Variants in ING3 observed in about 807,000 individuals in gnomAD.
ING3 encodes inhibitor of growth protein 3.
Under a neutral mutation model 64.8 loss-of-function variants are expected in ING3, and 6 were observed. The observed-to-expected ratio is 0.09, with a 90% CI of 0.05 to 0.18. The LOEUF (loss-of-function observed/expected upper bound fraction) is 0.18. Among genes scored for constraint, ING3 ranks in the 10% least tolerant of loss-of-function variants. The pLI, the probability that ING3 is intolerant of heterozygous loss-of-function variation, is 1.00. For synonymous variants in ING3, 170 were observed against 173.7 expected, an observed-to-expected ratio of 0.98 and a Z score of 0.17; for missense variants, 310 against 489.7, an observed-to-expected ratio of 0.63 and a Z score of 3.46.
rs1156412236 is a variant in ING3, at chr7:120,976,542, C to T, written c.*1698C>T. The T allele has an allele frequency of 6.6e-6, 1 of 150,760 alleles. No homozygotes were observed. The highest frequency in any genetic ancestry group is 1.5e-5 in the Non-Finnish European group (1 of 67,992). 9.3% of individuals were successfully genotyped at this position (150,760 alleles called of 1,614,324 possible). A position where few individuals can be genotyped will look rare whatever the true frequency, so the allele number is the denominator to read the frequency against. ...ACTCAATATTTTGAGATTTTATAAC[C>T]CTTTAAGAAGTGATAAATAATGTAG... On this transcript the variant is annotated 3_prime_UTR_variant, in exon 12 of 12. Coordinates refer to ENST00000315870, the MANE Select transcript of ING3 (RefSeq NM_019071.3).
rs1562977341 is a variant in ING3 at position 120,970,672 on chromosome 7, A to T, written c.909-16A>T. 2 of 1,612,730 alleles carry T rather than the reference A, an allele frequency of 1.2e-6. No homozygotes were observed. The highest frequency in any genetic ancestry group is 2.7e-5 in the African/African-American group (2 of 74,992). On this transcript the variant is annotated splice_polypyrimidine_tract_variant and intron_variant, in intron 9 of 11. Coordinates refer to ENST00000315870, the MANE Select transcript of ING3 (RefSeq NM_019071.3). The stretch of plus-strand genomic sequence containing the variant: ...TCTGGATGGTGAGCAAATAAAACTT[A>T]TACTATTTTTTTCAGAAACAACAAC...
chr7:120,964,866 A>G (rs2116676081), intron 5 of ING3, 28 bp downstream of exon 5: 3 of 1,553,014 alleles, frequency 1.9e-6, no homozygotes, highest in Non-Finnish European at 2.7e-6. Flanking sequence ...TTTTCCATCA[A>G]TATTGGACAG....
intron 9 of ING3, 27 bp downstream of exon 9, chr7:120,969,231 A>G (rs754084011): frequency 1.5e-5 from 24 of 1,574,004 alleles, no homozygotes; most frequent in Middle Eastern, 1.7e-4. Flanking sequence ...CAGTAGCCCT[A>G]TACCTTTACT....
chr7:120,966,623 T>C lies in ING3; in HGVS notation c.365-3T>C, dbSNP rs373593825. On this transcript the variant is annotated splice_region_variant and splice_polypyrimidine_tract_variant and intron_variant, in intron 5 of 11. Transcript: ENST00000315870. ...GTGTATCTCTGTGCCTCTCTTCTTT[T>C]AGGATCTTTGGAATTAGACACTCCT... is the stretch of plus-strand genomic sequence containing the variant. 2 of 1,609,934 alleles carry C rather than the reference T, an allele frequency of 1.2e-6. No homozygotes were observed. The highest frequency in any genetic ancestry group is 2.7e-5 in the African/African-American group (2 of 74,966).
Position 120,969,092 on chromosome 7 carries a change from T to C in ING3, c.796T>C (p.Phe266Leu). 1 of 1,614,084 alleles carries C rather than the reference T, an allele frequency of 6.2e-7. No homozygotes were observed. The highest frequency in any genetic ancestry group is 1.1e-5 in the South Asian group (1 of 91,082). The change falls in exon 9 of 12, where the codon TTT (phenylalanine) becomes CTT (leucine). Residue 266 changes from phenylalanine to leucine, a missense_variant. By Grantham distance (22) the Phe-to-Leu change is conservative. Transcript: ENST00000315870. ...KNNDFQLGKE[F>L]SMARETVGYS... The stretch of plus-strand genomic sequence containing the variant: ...TAATGACTTTCAGTTGGGAAAAGAA[T>C]TTTCAATGGCCAGGGAAACAGTTGG...
rs748907453 is a variant in ING3 at position 120,969,185 on chromosome 7, C to T, written c.889C>T (p.Arg297Trp). Residue 297 changes from arginine (R) to tryptophan (W), a missense_variant, in exon 9 of 12, where the codon CGG (arginine) becomes TGG (tryptophan). Arg to Trp is a moderately radical substitution (Grantham distance 101, BLOSUM62 -3). This residue lies in a region of ING3 where 233 missense variants were observed against 289.4 expected (regional missense o/e 0.81). Transcript: ENST00000315870. ...QNASSSAADS[R>W]SGRKSKNNNK... The stretch of plus-strand genomic sequence containing the variant: ...TGCCAGTTCATCAGCAGCCGACTCA[C>T]GGAGTGGTCGAAAGAGCAAGTAAGT... 4.3e-6 allele frequency: 7 copies of T among 1,613,200 alleles called. No individual in the cohort carries two copies. Among genetic ancestry groups the T allele is most frequent in the African/African-American group, 1.3e-5 (1 of 74,888 alleles).
chr7:120,968,309 T>C (rs556772019), intron 8 of ING3, among the ~76,000 whole-genome samples: 4 of 152,324 alleles, frequency 2.6e-5, no homozygotes, highest in Admixed American at 6.5e-5. Context: ...TCATGCGGAT[T>C]ACATGCAGAC....
At chr7:120,965,800 T>A (rs1795989997) in intron 5 of ING3, among the ~76,000 whole-genome samples, 1 of 152,222 alleles carries the variant, frequency 6.6e-6, no homozygotes. Flanking sequence ...ATAATCATCC[T>A]ATTTATTTGT....
chr7:120,955,205 C>A (rs1011168293), intron 3 of ING3, among the ~76,000 whole-genome samples: 4 of 152,184 alleles, frequency 2.6e-5, no homozygotes, highest in Non-Finnish European at 5.9e-5. Context: ...TCTCGGCTCA[C>A]TGCAACCTCT....
At chr7:120,961,871 G>A (rs756472912) in intron 4 of ING3, among the ~76,000 whole-genome samples, 4 of 152,188 alleles carry the variant, frequency 2.6e-5, no homozygotes, top group Non-Finnish European at 5.9e-5. Context: ...AGACTCTGTG[G>A]TTAGCCCTGT....
At chr7:120,954,560 A>C (rs1364147480) in intron 3 of ING3, among the ~76,000 whole-genome samples, 1 of 152,198 alleles carries the variant, frequency 6.6e-6, no homozygotes, top group African/African-American at 2.4e-5. Flanking sequence ...AAAAAATCAT[A>C]ATCTATAACA....
intron 5 of ING3, among the ~76,000 whole-genome samples, chr7:120,966,160 T>C (rs1479738741): frequency 6.6e-6 from 1 of 152,192 alleles, no homozygotes; most frequent in Non-Finnish European, 1.5e-5. Flanking sequence ...CTAACTTCTT[T>C]TAGGAAGTCT....
rs946801460 is a variant in ING3 at position 120,953,231 on chromosome 7, C to T, written c.101-73C>T. ...GTGTGTATTGTCAGATTTTTTCCCT[C>T]CCTAAATCAAACCATGTATATTTAG... On this transcript the variant is annotated intron_variant, in intron 2 of 11. Coordinates refer to ENST00000315870, the MANE Select transcript of ING3 (RefSeq NM_019071.3). 4.8e-6 allele frequency: 4 copies of T among 833,092 alleles called. No homozygotes were observed. The Admixed American group carries it at 1.1e-4, about 22-fold the overall frequency. The allele number at this position is 833,092 out of a possible 1,614,324, so 51.6% of individuals were successfully genotyped here. A position where few individuals can be genotyped will look rare whatever the true frequency, so the allele number is the denominator to read the frequency against.
At chr7:120,951,081 AC>A (rs1011819494) in intron 1 of ING3, 82 bp from the exon 2 acceptor site, 14 of 1,544,682 alleles carry the variant, frequency 9.1e-6, no homozygotes, top group South Asian at 3.4e-5. Flanking sequence ...GGCCCCCTCG[AC>A]CCCCCTGACG....
chr7:120,970,997 CT>C, intron 10 of ING3, 117 bp downstream of exon 10: 5 of 1,063,122 alleles, frequency 4.7e-6, no homozygotes, highest in Non-Finnish European at 6.7e-6. Flanking sequence ...TATTTGTATA[CT>C]TTTCTCCCCC....
chr7:120,973,259 T>C lies in ING3; in HGVS notation c.1140+16T>C. 2 of 1,492,432 alleles carry C rather than the reference T, an allele frequency of 1.3e-6. No homozygotes were observed. The highest frequency in any genetic ancestry group is 1.9e-6 in the Non-Finnish European group (2 of 1,074,046). 92.4% of individuals were successfully genotyped at this position (1,492,432 alleles called of 1,614,324 possible). A position where few individuals can be genotyped will look rare whatever the true frequency, so the allele number is the denominator to read the frequency against. On this transcript the variant is annotated intron_variant, in intron 11 of 11. Coordinates refer to ENST00000315870, the MANE Select transcript of ING3 (RefSeq NM_019071.3). ...TAACCAAGATGTAAGTATTACATTTTTCTATTTAGGAATGAAAAAAATCAC... is the reference window on the plus strand; with the variant it reads ...TAACCAAGATGTAAGTATTACATTTCTCTATTTAGGAATGAAAAAAATCAC...
rs572422054 is a variant in ING3 at position 120,971,308 on chromosome 7, G to T, written c.1101+428G>T. Among the ~76,000 whole-genome samples, 6 of 152,312 alleles carry T rather than the reference G, an allele frequency of 3.9e-5. No homozygotes were observed. In the East Asian group the frequency reaches 9.7e-4, roughly 25 times the overall value. Reference sequence around the variant, plus strand: ...CTGCCTTCTCACCGGGTCCTCACATGATAGAGGGAGAAAGAGTGTGCTCTG... The same window carrying T: ...CTGCCTTCTCACCGGGTCCTCACATTATAGAGGGAGAAAGAGTGTGCTCTG... On this transcript the variant is annotated intron_variant, in intron 10 of 11. Coordinates refer to ENST00000315870, the MANE Select transcript of ING3 (RefSeq NM_019071.3).
chr7:120,959,846 C>T (rs935353090), intron 4 of ING3, among the ~76,000 whole-genome samples: 10 of 151,614 alleles, frequency 6.6e-5, no homozygotes, highest in South Asian at 2.1e-4. Context: ...GGGGTTTCAC[C>T]GTGTTAGCCA....
Position 120,951,057 on chromosome 7 carries a change from C to A in ING3, c.29-107C>A, listed in dbSNP as rs571017006. 9.6e-5 allele frequency: 143 copies of A among 1,496,608 alleles called. No homozygotes were observed. The African/African-American group carries it at 1.7e-3, about 18-fold the overall frequency. 92.7% of individuals were successfully genotyped at this position (1,496,608 alleles called of 1,614,324 possible). On this transcript the variant is annotated intron_variant, in intron 1 of 11. Coordinates refer to ENST00000315870, the MANE Select transcript of ING3 (RefSeq NM_019071.3). Reference sequence around the variant, plus strand: ...TCTTTCTCACGGTAACTGGCAGCCTCGTTGTGGGCTGCCGGCCCCCTCGAC... The same window carrying A: ...TCTTTCTCACGGTAACTGGCAGCCTAGTTGTGGGCTGCCGGCCCCCTCGAC...
Sources: allele counts gnomAD v4.1 joint callset (sites outside exome capture counted in the v4.1 genomes callset), GRCh38; gene constraint gnomAD v4.1.1; regional missense constraint gnomAD v4.1.1; transcripts MANE v1.5; gene names NCBI Gene and HGNC (gene_info 2026-07-23, HGNC 2026-07-21).